Variants in LRRN2 observed in about 807,000 individuals in gnomAD.
LRRN2 encodes the protein leucine rich repeat neuronal 2.
Under a neutral mutation model 35.7 loss-of-function variants are expected in LRRN2, and 10 were observed. The observed-to-expected ratio is 0.28, with a 90% CI of 0.17 to 0.47. The LOEUF (loss-of-function observed/expected upper bound fraction) is 0.47, where lower values mean the gene tolerates loss of function less well. Ranked by LOEUF, LRRN2 falls within the 20% of genes least tolerant of loss-of-function variation. The pLI is 0.99. For synonymous variants in LRRN2, 391 were observed against 409.6 expected, an observed-to-expected ratio of 0.95 and a Z score of 0.55; for missense variants, 731 against 940.3, an observed-to-expected ratio of 0.78 and a Z score of 2.91.
At chr1:204,622,769 C>T (rs980737969) in intron 1 of LRRN2, among the ~76,000 whole-genome samples, 1 of 152,102 alleles carries the variant, frequency 6.6e-6, no homozygotes, top group African/African-American at 2.4e-5. Context: ...GCCACCTAGA[C>T]CTGCTGTGAG....
rs758863160 is a variant in LRRN2 at position 204,618,983 on chromosome 1, A to G, written c.1010T>C (p.Met337Thr). ...HPRAFHHLPQMETLMLNNNAL... is the reference protein window; with the variant it reads ...HPRAFHHLPQTETLMLNNNAL... ...GTTGTTGTTGAGCATGAGGGTCTCC[A>G]TCTGGGGCAGGTGGTGGAAGGCGCG... The change falls in exon 2 of 2, where the codon ATG (methionine) becomes ACG (threonine). Residue 337 changes from methionine to threonine, a missense_variant. By Grantham distance (81) the Met-to-Thr change is moderately conservative. Transcript: ENST00000367177. 1.2e-6 allele frequency: 2 copies of G among 1,613,364 alleles called. No individual in the cohort carries two copies. Among genetic ancestry groups the G allele is most frequent in the South Asian group, 2.2e-5 (2 of 91,048 alleles).
intron 1 of LRRN2, among the ~76,000 whole-genome samples, chr1:204,676,315 A>G (rs1310956762): frequency 6.6e-6 from 1 of 152,176 alleles, no homozygotes; most frequent in African/African-American, 2.4e-5. Context: ...GATTGTTTAG[A>G]ACAAACTCTA....
intron 1 of LRRN2, among the ~76,000 whole-genome samples, chr1:204,644,648 C>T (rs1668061360): frequency 1.3e-5 from 2 of 152,208 alleles, no homozygotes; most frequent in Non-Finnish European, 2.9e-5. Flanking sequence ...AACACCTACC[C>T]TAGTTTAGCA....
chr1:204,643,236 T>C (rs892033029), intron 1 of LRRN2, among the ~76,000 whole-genome samples: 1 of 152,200 alleles, frequency 6.6e-6, no homozygotes, highest in African/African-American at 2.4e-5. Context: ...ATAAATGTGT[T>C]CCCCCAGCAT....
rs769164284 is a variant in LRRN2 at position 204,618,111 on chromosome 1, G to T, written c.1882C>A (p.Arg628Ser). Residue 628 changes from arginine (R) to serine (S), a missense_variant, in exon 2 of 2, where the codon CGT (arginine) becomes AGT (serine). Arg to Ser is a moderately radical substitution (Grantham distance 110). Around this residue, in one of 3 missense-constraint regions of LRRN2, gnomAD observed 229 missense variants for 258.4 expected, o/e 0.89. Coordinates refer to ENST00000367177, the MANE Select transcript of LRRN2 (RefSeq NM_201630.2). ...ATSCHRALGDRPGLIAILALA... is the reference protein window; with the variant it reads ...ATSCHRALGDSPGLIAILALA... ...GCCAGGATGGCAATGAGCCCAGGAC[G>T]GTCCCCTAAGGCTCTGTGGCAAGAA... 1.2e-6 allele frequency: 2 copies of T among 1,614,070 alleles called. No homozygotes were observed. The highest frequency in any genetic ancestry group is 8.5e-7 in the Non-Finnish European group (1 of 1,179,968).
At chr1:204,654,409 C>T (rs945562046) in intron 1 of LRRN2, among the ~76,000 whole-genome samples, 2 of 152,216 alleles carry the variant, frequency 1.3e-5, no homozygotes, top group East Asian at 3.8e-4. Context: ...TATTTATTAG[C>T]TGTGTGACTA....
At chr1:204,620,263 T>G in intron 1 of LRRN2, 45 bp from the exon 2 acceptor site, 1 of 1,294,732 alleles carries the variant, frequency 7.7e-7, no homozygotes, top group Non-Finnish European at 1.0e-6. Flanking sequence ...AGAGAAGCAG[T>G]ATCTACCCCT....
chr1:204,681,220 G>A (rs1296350850), intron 1 of LRRN2, among the ~76,000 whole-genome samples: 1 of 152,094 alleles, frequency 6.6e-6, no homozygotes, highest in East Asian at 1.9e-4. Context: ...GCCTCCCTAG[G>A]ATTACAGGTG....
At chr1:204,677,329 G>A (rs945406132) in intron 1 of LRRN2, among the ~76,000 whole-genome samples, 5 of 152,144 alleles carry the variant, frequency 3.3e-5, no homozygotes, top group Admixed American at 3.3e-4. Flanking sequence ...AGGGAGGAGA[G>A]CATCGCCCCC....
intron 1 of LRRN2, among the ~76,000 whole-genome samples, chr1:204,640,485 C>T (rs541691189): frequency 1.6e-4 from 24 of 152,330 alleles, no homozygotes; most frequent in Admixed American, 1.3e-3. Context: ...ACTTCTCCCC[C>T]TCCTGGAAGG....
chr1:204,618,829 G>A lies in LRRN2; in HGVS notation c.1164C>T (p.Arg388=). 1 of 1,614,140 alleles carries A rather than the reference G, an allele frequency of 6.2e-7. No homozygotes were observed. The highest frequency in any genetic ancestry group is 8.5e-7 in the Non-Finnish European group (1 of 1,180,032). ...ACAGGGTGGATTGCGGCTCGATGAA[G>A]CGGACACGGGTGCCCGTGGCATTGG... ...RWANATGTRV[R]FIEPQSTLCA... Residue 388 remains arginine (R), a synonymous_variant, in exon 2 of 2, where the codon CGC becomes CGT. Coordinates refer to ENST00000367177, the MANE Select transcript of LRRN2 (RefSeq NM_201630.2).
At chr1:204,663,846 G>T (rs143213985) in intron 1 of LRRN2, 3 of 152,290 alleles carry the variant, frequency 2.0e-5, no homozygotes, top group East Asian at 3.9e-4. Flanking sequence ...AGGCTATTAC[G>T]CTGCTGTCGC....
At chr1:204,669,512 G>T (rs1433280805) in intron 1 of LRRN2, among the ~76,000 whole-genome samples, 2 of 152,222 alleles carry the variant, frequency 1.3e-5, no homozygotes, top group Admixed American at 1.3e-4. Context: ...TGTATAATTA[G>T]ATATCATCAT....
chr1:204,620,194 T>C lies in LRRN2; in HGVS notation c.-202A>G, dbSNP rs1455420384. ...CTCTGGGGCTGGGCCTGCTCAGTCA[T>C]TGCCAGGCCCCATCAGGGGCAGCCC... On this transcript the variant is annotated 5_prime_UTR_variant, in exon 2 of 2. It removes an upstream start codon present in the reference 5' UTR. Transcript: ENST00000367177. 4.9e-6 allele frequency: 7 copies of C among 1,442,708 alleles called. No homozygotes were observed. The highest frequency in any genetic ancestry group is 6.4e-6 in the Non-Finnish European group (7 of 1,096,600). 89.4% of individuals were successfully genotyped at this position (1,442,708 alleles called of 1,614,324 possible). A position where few individuals can be genotyped will look rare whatever the true frequency, so the allele number is the denominator to read the frequency against.
chr1:204,632,458 C>G (rs948702097), intron 1 of LRRN2, among the ~76,000 whole-genome samples: 1 of 151,128 alleles, frequency 6.6e-6, no homozygotes, highest in Non-Finnish European at 1.5e-5. Context: ...GGTGAAACCC[C>G]GACTCAATTA....
chr1:204,647,715 C>T (rs1309578595), intron 1 of LRRN2, among the ~76,000 whole-genome samples: 1 of 152,186 alleles, frequency 6.6e-6, no homozygotes, highest in East Asian at 1.9e-4. Flanking sequence ...CACTCTATGA[C>T]TCAGCAGGAA....
intron 1 of LRRN2, among the ~76,000 whole-genome samples, chr1:204,661,900 C>A (rs942825127): frequency 6.8e-6 from 1 of 147,766 alleles, no homozygotes; most frequent in Non-Finnish European, 1.5e-5. Context: ...TGCTTTGCTG[C>A]ACCCCTGCAC....
intron 1 of LRRN2, among the ~76,000 whole-genome samples, chr1:204,673,057 C>T (rs1054927100): frequency 5.3e-5 from 8 of 152,068 alleles, no homozygotes; most frequent in Admixed American, 6.5e-5. Context: ...ACTAGCCTTC[C>T]GAAGGGCCCT....
In LRRN2 at chr1:204,679,849, C is replaced by A. The variant is rs138651560; in HGVS notation, c.-227+5471G>T. Among the ~76,000 whole-genome samples the A allele has an allele frequency of 2.5e-3, 382 of 152,324 alleles. 1 individual carries two copies. Among genetic ancestry groups the A allele is most frequent in the African/African-American group, 8.4e-3 (350 of 41,562 alleles). On this transcript the variant is annotated intron_variant, in intron 1 of 1. Coordinates refer to ENST00000367177, the MANE Select transcript of LRRN2 (RefSeq NM_201630.2). Reference sequence around the variant, plus strand: ...GAGACAGAAGGAAACAATGTTGGATCTTAAATATCACACCCTGCAGGAGCA... The same window carrying A: ...GAGACAGAAGGAAACAATGTTGGATATTAAATATCACACCCTGCAGGAGCA...
Sources: gnomAD v4.1 joint callset for allele counts (sites outside exome capture counted in the v4.1 genomes callset) on GRCh38, gnomAD v4.1.1 for gene constraint, gnomAD v4.1.1 regional missense constraint, MANE v1.5 for transcripts, NCBI Gene and HGNC (gene_info 2026-07-23, HGNC 2026-07-21) for gene names.